PPP1R1C: variants seen among roughly 807,000 people sequenced by gnomAD.
PPP1R1C encodes protein phosphatase 1 regulatory inhibitor subunit 1C, also known as protein phosphatase 1 regulatory subunit 1C.
A neutral mutation model predicts 17.4 loss-of-function variants in PPP1R1C; 15 were observed. That is an observed-to-expected ratio of 0.86 (90% CI 0.58 to 1.33). PPP1R1C has a LOEUF of 1.33. Among genes scored for constraint, PPP1R1C ranks in the 40% most tolerant of loss-of-function variants. The pLI is 0.00. For missense variants in PPP1R1C, 143 were observed against 130.0 expected (o/e 1.10, Z -0.48); for synonymous variants, 35 against 43.1 (o/e 0.81, Z 0.73).
intron 2 of PPP1R1C, among the ~76,000 whole-genome samples, chr2:181,990,944 T>C (rs916444267): frequency 2.6e-5 from 4 of 152,248 alleles, no homozygotes; most frequent in African/African-American, 9.6e-5. Flanking sequence ...GACTCACCTG[T>C]CATTAATGCT....
intron 5 of PPP1R1C, among the ~76,000 whole-genome samples, chr2:182,126,979 T>C (rs1439239008): frequency 6.6e-6 from 1 of 152,106 alleles, no homozygotes; most frequent in Non-Finnish European, 1.5e-5. Context: ...TAACAGGGTT[T>C]TCCCTTTTCT....
At chr2:182,122,740 A>G (rs1369933787), downstream of PPP1R1C, among the ~76,000 whole-genome samples, 1 of 152,178 alleles carries the variant, frequency 6.6e-6, no homozygotes, top group Non-Finnish European at 1.5e-5. Flanking sequence ...AAAAAGAAAA[A>G]ATATTGTTAG....
chr2:182,099,244 C>T (rs1486394598), intron 4 of PPP1R1C, among the ~76,000 whole-genome samples: 1 of 152,144 alleles, frequency 6.6e-6, no homozygotes, highest in East Asian at 1.9e-4. Flanking sequence ...AGTAGTACTT[C>T]CCAGTTTGAT....
At chr2:182,122,931 G>A (rs1689769404) in intron 5 of PPP1R1C, among the ~76,000 whole-genome samples, 1 of 152,020 alleles carries the variant, frequency 6.6e-6, no homozygotes, top group Admixed American at 6.6e-5. Flanking sequence ...AGGTATACAG[G>A]TGCCATGGTG....
chr2:182,106,473 G>A (rs1306669766), intron 4 of PPP1R1C, among the ~76,000 whole-genome samples: 4 of 152,158 alleles, frequency 2.6e-5, no homozygotes, highest in African/African-American at 4.8e-5. Flanking sequence ...GTGGTCGGAC[G>A]AGAGCCCAGC....
intron 2 of PPP1R1C, among the ~76,000 whole-genome samples, chr2:182,033,159 T>C (rs1442557608): frequency 6.6e-6 from 1 of 152,168 alleles, no homozygotes; most frequent in African/African-American, 2.4e-5. Flanking sequence ...AATTCTTTTC[T>C]TCCCTGATTT....
At chr2:182,040,065 T>A (rs1687135321) in intron 2 of PPP1R1C, among the ~76,000 whole-genome samples, 1 of 152,244 alleles carries the variant, frequency 6.6e-6, no homozygotes, top group South Asian at 2.1e-4. Context: ...TGATGGGCAC[T>A]TAGGTTGGTA....
At chr2:182,015,895 A>T (rs576149750) in intron 2 of PPP1R1C, among the ~76,000 whole-genome samples, 46 of 152,252 alleles carry the variant, frequency 3.0e-4, no homozygotes, top group African/African-American at 1.1e-3. Flanking sequence ...GTGATGACTC[A>T]AGCACTCCTT....
upstream of PPP1R1C, among the ~76,000 whole-genome samples, chr2:181,984,007 T>C (rs1403674894): frequency 6.6e-6 from 1 of 152,172 alleles, no homozygotes; most frequent in African/African-American, 2.4e-5. Context: ...TTTATTGGTA[T>C]TTATACCAAA....
At chr2:182,041,124 G>T (rs1416512666) in intron 2 of PPP1R1C, among the ~76,000 whole-genome samples, 1 of 152,024 alleles carries the variant, frequency 6.6e-6, no homozygotes, top group East Asian at 1.9e-4. Flanking sequence ...GGATTGCTTT[G>T]CTCTTCAGGC....
intron 1 of PPP1R1C, among the ~76,000 whole-genome samples, chr2:181,959,565 T>A (rs1319026149): frequency 6.6e-6 from 1 of 152,218 alleles, no homozygotes; most frequent in Non-Finnish European, 1.5e-5. Flanking sequence ...AATTTAAAAT[T>A]AAGACATTCC....
chr2:182,053,709 C>A (rs77807346), intron 2 of PPP1R1C, among the ~76,000 whole-genome samples: 2 of 151,804 alleles, frequency 1.3e-5, no homozygotes, highest in Non-Finnish European at 2.9e-5. Context: ...TCTAACATTT[C>A]TTTTATCCTC....
At chr2:182,004,836 GGC>G (rs1685869691) in intron 2 of PPP1R1C, among the ~76,000 whole-genome samples, 1 of 152,174 alleles carries the variant, frequency 6.6e-6, no homozygotes, top group Non-Finnish European at 1.5e-5. Context: ...TTTATTGGAT[GGC>G]AAAATTGGAG....
intron 4 of PPP1R1C, among the ~76,000 whole-genome samples, chr2:182,106,937 C>T (rs1054949916): frequency 4.6e-5 from 7 of 152,050 alleles, no homozygotes; most frequent in African/African-American, 1.2e-4. Context: ...GCATGCCCTT[C>T]GAGGGGTATA....
intron 4 of PPP1R1C, among the ~76,000 whole-genome samples, chr2:182,072,150 T>C (rs1035283144): frequency 6.6e-6 from 1 of 152,220 alleles, no homozygotes; most frequent in African/African-American, 2.4e-5. Flanking sequence ...CACACTCCAC[T>C]CATACTAATG....
At chr2:182,015,791 A>G (rs577185412) in intron 2 of PPP1R1C, among the ~76,000 whole-genome samples, 1 of 152,094 alleles carries the variant, frequency 6.6e-6, no homozygotes, top group East Asian at 1.9e-4. Flanking sequence ...AAGTCGCAAA[A>G]AAGTCCTCTT....
rs1203224086 is a variant in PPP1R1C at position 181,961,927 on chromosome 2, C to A, written n.111+7293C>A. ...ATTGGTCATCAGTGACCTTGTGGAG[C>A]CCATGGATGTCACTCCCCACAGACG... is the stretch of plus-strand genomic sequence containing the variant. On this transcript the variant is annotated intron_variant and non_coding_transcript_variant, in intron 1 of 5. Coordinates refer to the PPP1R1C transcript ENST00000464264. The surrounding 1 kb of genome is among the most constrained non-coding windows in gnomAD (Gnocchi z 5.8). 6.7e-6 allele frequency: 5 copies of A among 743,714 alleles called. No individual in the cohort carries two copies. The highest frequency in any genetic ancestry group is 1.7e-5 in the African/African-American group (1 of 58,390). 46.1% of individuals were successfully genotyped at this position (743,714 alleles called of 1,614,324 possible). A position where few individuals can be genotyped will look rare whatever the true frequency, so the allele number is the denominator to read the frequency against.
intron 3 of PPP1R1C, among the ~76,000 whole-genome samples, chr2:182,063,444 C>T (rs976533296): frequency 6.6e-6 from 1 of 151,906 alleles, no homozygotes; most frequent in Admixed American, 6.6e-5. Context: ...TTTTCTCTTT[C>T]TTTTTAAAAT....
chr2:182,107,740 TC>T (rs1689294958), intron 4 of PPP1R1C, among the ~76,000 whole-genome samples: 1 of 152,084 alleles, frequency 6.6e-6, no homozygotes, highest in Non-Finnish European at 1.5e-5. Context: ...TCTGCAAACC[TC>T]CAGCACATCC....
Sources: allele counts gnomAD v4.1 joint callset (sites outside exome capture counted in the v4.1 genomes callset), GRCh38; gene constraint gnomAD v4.1.1; non-coding constraint Gnocchi (gnomAD v3.1); transcripts MANE v1.5; gene names NCBI Gene and HGNC (gene_info 2026-07-23, HGNC 2026-07-21).